Variants in SENP2 observed in about 807,000 individuals in gnomAD.
SENP2 encodes the protein sentrin-specific protease 2.
In SENP2, 16 loss-of-function variants were observed where a neutral mutation model predicts 86.3. The ratio of observed to expected loss-of-function variants is 0.19; its 90% CI spans 0.13 to 0.28. SENP2 has a LOEUF of 0.28. Among genes scored for constraint, SENP2 ranks in the 10% least tolerant of loss-of-function variants. SENP2 has a pLI of 1.00. For missense variants in SENP2, 552 were observed against 703.0 expected (o/e 0.79, Z 2.43); for synonymous variants, 222 against 238.7 (o/e 0.93, Z 0.64).
At chr3:185,619,657 C>A in intron 13 of SENP2, 155 bp downstream of exon 13, 1 of 438,590 alleles carries the variant, frequency 2.3e-6, no homozygotes, top group Non-Finnish European at 4.0e-6. Flanking sequence ...TTTAATGTCC[C>A]ATCCTTCACC....
At chr3:185,613,213 C>G (rs1722751029) in intron 9 of SENP2, 132 bp from the exon 10 acceptor site, 1 of 620,472 alleles carries the variant, frequency 1.6e-6, no homozygotes, top group African/African-American at 1.9e-5. Context: ...TTCGTTGACT[C>G]CTGGTTTAGA....
intron 16 of SENP2, among the ~76,000 whole-genome samples, chr3:185,627,748 T>C (rs891547955): frequency 2.0e-5 from 3 of 152,216 alleles, no homozygotes; most frequent in Non-Finnish European, 4.4e-5. Flanking sequence ...TGGCTTTGCA[T>C]TTGATTGGAA....
chr3:185,615,751 G>A (rs1037776183), intron 11 of SENP2, among the ~76,000 whole-genome samples: 1 of 152,212 alleles, frequency 6.6e-6, no homozygotes, highest in African/African-American at 2.4e-5. Context: ...TCCATAAGGA[G>A]TCAATTGCTA....
intron 5 of SENP2, among the ~76,000 whole-genome samples, chr3:185,602,380 AGAG>A (rs1427914298): frequency 1.3e-5 from 2 of 152,182 alleles, no homozygotes; most frequent in African/African-American, 2.4e-5. Flanking sequence ...CCACCCTGAC[AGAG>A]GAGGAGATTT....
At chr3:185,626,968 G>C (rs771746317) in intron 16 of SENP2, among the ~76,000 whole-genome samples, 2 of 151,104 alleles carry the variant, frequency 1.3e-5, no homozygotes, top group African/African-American at 2.4e-5. Flanking sequence ...CCAGCTACTA[G>C]GGAGGCAGGC....
chr3:185,629,650 C>T (rs1712323684), intron 16 of SENP2, 132 bp from the exon 17 acceptor site: 1 of 799,662 alleles, frequency 1.3e-6, no homozygotes, highest in Non-Finnish European at 2.1e-6. Context: ...TAAGTATGTT[C>T]CATGATGTAA....
At chr3:185,602,575 G>T (rs1722378833) in intron 5 of SENP2, among the ~76,000 whole-genome samples, 1 of 152,032 alleles carries the variant, frequency 6.6e-6, no homozygotes, top group South Asian at 2.1e-4. Context: ...TAACTGTCAT[G>T]GTAATAACTG....
At chr3:185,622,369 A>ACTT in intron 14 of SENP2, among the ~76,000 whole-genome samples, 1 of 152,330 alleles carries the variant, frequency 6.6e-6, no homozygotes, top group African/African-American at 2.4e-5. Flanking sequence ...AAGCATACCT[A>ACTT]CTTCTTAGCT....
intron 1 of SENP2, among the ~76,000 whole-genome samples, chr3:185,588,848 A>C (rs950613812): frequency 1.2e-4 from 18 of 152,122 alleles, no homozygotes; most frequent in Non-Finnish European, 1.8e-4. Context: ...AGGGAAAGCT[A>C]ATTTCCTCTC....
chr3:185,598,669 A>G (rs1722252166), intron 3 of SENP2, 124 bp downstream of exon 3: 1 of 1,011,234 alleles, frequency 9.9e-7, no homozygotes, highest in Admixed American at 3.0e-5. Context: ...CTGTATCTTT[A>G]TTAGCTGTGC....
chr3:185,587,727 C>T (rs796374803), intron 1 of SENP2, among the ~76,000 whole-genome samples: 14 of 93,624 alleles, frequency 1.5e-4, no homozygotes, highest in African/African-American at 6.0e-4. Context: ...CCACCATGCC[C>T]GGCTATTTTT....
intron 6 of SENP2, among the ~76,000 whole-genome samples, chr3:185,608,303 T>C (rs1722581577): frequency 6.6e-6 from 1 of 152,222 alleles, no homozygotes; most frequent in Non-Finnish European, 1.5e-5. Flanking sequence ...TGAGCCAGTA[T>C]CTACAGGGGA....
intron 1 of SENP2, among the ~76,000 whole-genome samples, chr3:185,588,578 A>C (rs540924273): frequency 2.0e-5 from 3 of 152,330 alleles, no homozygotes; most frequent in South Asian, 2.1e-4. Context: ...CAAGATGTCT[A>C]ATACATTAGT....
At chr3:185,619,694 T>G (rs1293697313) in intron 13 of SENP2, among the ~76,000 whole-genome samples, 192 bp downstream of exon 13, 2 of 151,952 alleles carry the variant, frequency 1.3e-5, no homozygotes, top group Admixed American at 1.3e-4. Flanking sequence ...TTTTATTTAT[T>G]TATTCTTTAA....
In SENP2 at chr3:185,614,702, A is replaced by C. The variant is rs1711538537; in HGVS notation, c.1072A>C (p.Arg358=). The C allele has an allele frequency of 6.2e-7, 1 of 1,614,106 alleles. No homozygotes were observed. Among genetic ancestry groups the C allele is most frequent in the Admixed American group, 1.7e-5 (1 of 60,004 alleles). The part of the protein sequence containing the change: ...TKEKNCSGKE[R]DRRTDDLLEL... ...GGAAAAGAATTGCTCAGGCAAAGAGAGGGACAGAAGAACGGACGATCTCCT... is the reference window on the plus strand; with the variant it reads ...GGAAAAGAATTGCTCAGGCAAAGAGCGGGACAGAAGAACGGACGATCTCCT... The change falls in exon 11 of 17, where the codon AGG becomes CGG. Residue 358 remains arginine (R), a synonymous_variant. Transcript: ENST00000296257.
chr3:185,628,639 C>T (rs1202545406), intron 16 of SENP2, among the ~76,000 whole-genome samples: 16 of 152,194 alleles, frequency 1.1e-4, no homozygotes, highest in South Asian at 8.3e-4. Context: ...CCCAAGTAAC[C>T]GTGATTACAG....
At chr3:185,628,731 C>T (rs2148997296) in intron 16 of SENP2, among the ~76,000 whole-genome samples, 1 of 152,234 alleles carries the variant, frequency 6.6e-6, no homozygotes, top group South Asian at 2.1e-4. Flanking sequence ...GTTTCGAACT[C>T]CTGGCCTCAG....
chr3:185,625,854 A>G (rs1694069614), intron 15 of SENP2, among the ~76,000 whole-genome samples: 1 of 152,190 alleles, frequency 6.6e-6, no homozygotes, highest in South Asian at 2.1e-4. Flanking sequence ...CATCCCTGGT[A>G]GTAAACCTCC....
At chr3:185,610,733 G>A (rs1256338614) in intron 7 of SENP2, among the ~76,000 whole-genome samples, 1 of 151,790 alleles carries the variant, frequency 6.6e-6, no homozygotes, top group African/African-American at 2.4e-5. Context: ...CGAGGTGGAC[G>A]GATCACGAGG....
Sources: gnomAD v4.1 joint callset for allele counts (sites outside exome capture counted in the v4.1 genomes callset) on GRCh38, gnomAD v4.1.1 for gene constraint, MANE v1.5 for transcripts, NCBI Gene and HGNC (gene_info 2026-07-23, HGNC 2026-07-21) for gene names.